MACROD2: variants seen among roughly 807,000 people sequenced by gnomAD.
MACROD2 encodes the protein mono-ADP ribosylhydrolase 2.
MACROD2 carries 36 observed loss-of-function variants against 70.4 expected under a neutral mutation model. The ratio of observed to expected loss-of-function variants is 0.51; its 90% confidence interval spans 0.39 to 0.68. MACROD2 has a LOEUF of 0.68. Among genes scored for constraint, MACROD2 ranks in the 30% least tolerant of loss-of-function variants. The pLI, the probability that MACROD2 is intolerant of heterozygous loss-of-function variation, is 0.00. For synonymous variants in MACROD2, 172 were observed against 178.8 expected (o/e 0.96, Z 0.30); for missense variants, 496 against 538.4 (o/e 0.92, Z 0.78).
At chr20:15,813,975 A>G (rs1010399654) in intron 8 of MACROD2, among the ~76,000 whole-genome samples, 1 of 152,198 alleles carries the variant, frequency 6.6e-6, no homozygotes, top group Non-Finnish European at 1.5e-5. Flanking sequence ...TTGTAAAGTA[A>G]TATTGTCAAG....
At chr20:14,552,910 C>T (rs1978757725) in intron 4 of MACROD2, among the ~76,000 whole-genome samples, 1 of 152,120 alleles carries the variant, frequency 6.6e-6, no homozygotes, top group Admixed American at 6.6e-5. Flanking sequence ...ATGTGAAGGA[C>T]TAGGACATTG....
intron 6 of MACROD2, among the ~76,000 whole-genome samples, chr20:15,235,488 A>G (rs1409703912): frequency 6.6e-6 from 1 of 152,200 alleles, no homozygotes; most frequent in Non-Finnish European, 1.5e-5. Context: ...AGAGCTTCCA[A>G]TGGGAAAGAT....
chr20:15,270,651 A>C (rs1355328566), intron 6 of MACROD2, among the ~76,000 whole-genome samples: 1 of 152,178 alleles, frequency 6.6e-6, no homozygotes, highest in Non-Finnish European at 1.5e-5. Context: ...GCAAAAATAT[A>C]AATTTTGGGA....
intron 3 of MACROD2, among the ~76,000 whole-genome samples, chr20:14,144,163 T>C (rs1382593171): frequency 6.6e-6 from 1 of 152,148 alleles, no homozygotes; most frequent in Non-Finnish European, 1.5e-5. Flanking sequence ...TTGAGTGTCT[T>C]AAATAATTGG....
chr20:15,410,207 A>C (rs1454849929), intron 6 of MACROD2, among the ~76,000 whole-genome samples: 1 of 152,200 alleles, frequency 6.6e-6, no homozygotes, highest in Non-Finnish European at 1.5e-5. Context: ...TTTCAGCTGA[A>C]TAAAAGCCTT....
intron 10 of MACROD2, among the ~76,000 whole-genome samples, chr20:15,913,423 A>AAT: frequency 6.6e-6 from 1 of 152,140 alleles, no homozygotes; most frequent in East Asian, 1.9e-4. Flanking sequence ...TCTGTGTGGA[A>AAT]ATATTCTTGG....
intron 4 of MACROD2, among the ~76,000 whole-genome samples, chr20:14,524,539 GC>G (rs11477998): frequency 0.66 from 100,001 of 151,860 alleles, 33,833 homozygotes; most frequent in East Asian, 0.89. Context: ...ATGAGGACTA[GC>G]AGTGGCAAGA....
chr20:14,352,053 T>C (rs755379017), intron 3 of MACROD2, among the ~76,000 whole-genome samples: 18 of 152,238 alleles, frequency 1.2e-4, no homozygotes, highest in Non-Finnish European at 2.6e-4. Flanking sequence ...TGTTGAACCA[T>C]CCTTACATCC....
At chr20:14,621,971 A>G (rs1983851977) in intron 4 of MACROD2, 2 of 152,138 alleles carry the variant, frequency 1.3e-5, no homozygotes, top group Admixed American at 6.6e-5. Flanking sequence ...CTCAGTTTCC[A>G]TATATAGGAA....
chr20:15,387,909 A>T (rs985878420), intron 6 of MACROD2, among the ~76,000 whole-genome samples: 2 of 140,324 alleles, frequency 1.4e-5, no homozygotes, highest in Admixed American at 1.5e-4. Context: ...TGTCCAGCTA[A>T]CTTGTATTTA....
chr20:14,516,830 T>G (rs552386608), intron 4 of MACROD2, among the ~76,000 whole-genome samples: 2 of 152,212 alleles, frequency 1.3e-5, no homozygotes, highest in South Asian at 2.1e-4. Flanking sequence ...ACAAGGAACT[T>G]AAATAAATTT....
chr20:15,031,957 C>G (rs1422948486), intron 5 of MACROD2, among the ~76,000 whole-genome samples: 1 of 152,182 alleles, frequency 6.6e-6, no homozygotes, highest in African/African-American at 2.4e-5. Flanking sequence ...CAGGCCCGCA[C>G]CGAGCTGACC....
At chr20:15,946,470 C>T (rs1365493886) in intron 12 of MACROD2, among the ~76,000 whole-genome samples, 1 of 152,142 alleles carries the variant, frequency 6.6e-6, no homozygotes, top group Non-Finnish European at 1.5e-5. Flanking sequence ...TTCTTGATTT[C>T]TGTTCTCTTC....
intron 4 of MACROD2, among the ~76,000 whole-genome samples, chr20:14,540,168 A>T (rs1257798983): frequency 1.3e-5 from 2 of 152,162 alleles, no homozygotes; most frequent in African/African-American, 4.8e-5. Flanking sequence ...TAAAACCCTA[A>T]AACCAAAAAT....
intron 8 of MACROD2, among the ~76,000 whole-genome samples, chr20:15,513,260 C>T (rs1332267192): frequency 6.6e-6 from 1 of 151,766 alleles, no homozygotes; most frequent in African/African-American, 2.4e-5. Context: ...ACGTTCTGTT[C>T]GGGAGTCAAA....
chr20:15,585,501 C>T (rs1568911291), intron 8 of MACROD2, among the ~76,000 whole-genome samples: 2 of 152,128 alleles, frequency 1.3e-5, no homozygotes, highest in Non-Finnish European at 2.9e-5. Context: ...CGGCCTGGAG[C>T]GTCCTTTTTA....
chr20:14,918,285 A>G (rs1261079293), intron 5 of MACROD2, among the ~76,000 whole-genome samples: 1 of 152,168 alleles, frequency 6.6e-6, no homozygotes, highest in African/African-American at 2.4e-5. Flanking sequence ...AAGGTTTTTC[A>G]TGATGAGAAA....
chr20:15,521,203 C>CAATTAT (rs1199534935), intron 8 of MACROD2, among the ~76,000 whole-genome samples: 1 of 152,132 alleles, frequency 6.6e-6, no homozygotes, highest in Non-Finnish European at 1.5e-5. Flanking sequence ...TCTACAAGAG[C>CAATTAT]AATTATAATT....
At chr20:15,149,364 A>G (rs1390166209) in intron 5 of MACROD2, among the ~76,000 whole-genome samples, 1 of 152,070 alleles carries the variant, frequency 6.6e-6, no homozygotes, top group Non-Finnish European at 1.5e-5. Context: ...AGCTGCCATC[A>G]GTAAACCAAG....
Sources: gnomAD v4.1 joint callset for allele counts (sites outside exome capture counted in the v4.1 genomes callset) on GRCh38, gnomAD v4.1.1 for gene constraint, MANE v1.5 for transcripts, NCBI Gene and HGNC (gene_info 2026-07-23, HGNC 2026-07-21) for gene names.